Variants in CADM2 observed in about 807,000 individuals in gnomAD.
CADM2 encodes cell adhesion molecule 2, also known as immunoglobulin superfamily member 4D.
In CADM2, 12 loss-of-function variants were observed where a neutral mutation model predicts 49.8. That is an observed-to-expected ratio of 0.24 (90% CI 0.15 to 0.39). The LOEUF is 0.39. CADM2 is among the 10% of genes least tolerant of loss of function. The pLI is 1.00. For missense variants in CADM2, 378 were observed against 492.3 expected, an observed-to-expected ratio of 0.77 and a Z score of 2.20; for synonymous variants, 214 against 175.4, an observed-to-expected ratio of 1.22 and a Z score of -1.74.
chr3:85,151,930 A>G (rs2039934811), intron 1 of CADM2, among the ~76,000 whole-genome samples: 1 of 152,238 alleles, frequency 6.6e-6, no homozygotes. Flanking sequence ...AGTAGAGTAT[A>G]TTAAAGAGCT....
At chr3:85,490,482 G>A (rs1049191676) in intron 1 of CADM2, among the ~76,000 whole-genome samples, 1 of 152,050 alleles carries the variant, frequency 6.6e-6, no homozygotes, top group African/African-American at 2.4e-5. Flanking sequence ...AATTTGGGAG[G>A]CCAAGGTAGA....
rs564737615 is a variant in CADM2, at chr3:85,968,235, G to A, written c.970+6588G>A. Among the ~76,000 whole-genome samples the A allele has an allele frequency of 1.3e-4, 19 of 151,732 alleles. No homozygotes were observed. In the South Asian group the frequency reaches 4.0e-3, roughly 32 times the overall value. On this transcript the variant is annotated intron_variant, in intron 8 of 9. Transcript: ENST00000383699. ...ATGAATAAGCAGGGAGAGCTCTGAT[G>A]CCTGTAGGAAAGGTGTACCTCTGAC...
intron 3 of CADM2, among the ~76,000 whole-genome samples, chr3:85,812,050 T>A (rs1157061698): frequency 6.6e-6 from 1 of 152,080 alleles, no homozygotes; most frequent in Non-Finnish European, 1.5e-5. Context: ...CCCTGGGAAT[T>A]ATGCTGGGCA....
Position 85,038,305 on chromosome 3 carries a change from T to C in CADM2, c.61+78637T>C, listed in dbSNP as rs185445462. 3.3e-5 allele frequency among the ~76,000 whole-genome samples: 5 copies of C among 152,206 alleles called. No homozygotes were observed. The East Asian group carries it at 9.6e-4, about 29-fold the overall frequency. On this transcript the variant is annotated intron_variant, in intron 1 of 9. Coordinates refer to ENST00000383699, the MANE Select transcript of CADM2 (RefSeq NM_001167675.2). The stretch of plus-strand genomic sequence containing the variant: ...ACACTTATGCATACTACAGACTGTT[T>C]AGTGAAAATTAAATAAGAAAATATA...
intron 1 of CADM2, among the ~76,000 whole-genome samples, chr3:85,252,497 T>C (rs1467082611): frequency 6.6e-6 from 1 of 152,008 alleles, no homozygotes; most frequent in Non-Finnish European, 1.5e-5. Flanking sequence ...CATTCAAAAC[T>C]TACTGTATGA....
intron 8 of CADM2, among the ~76,000 whole-genome samples, chr3:85,963,686 A>C (rs981708119): frequency 5.9e-5 from 9 of 152,032 alleles, no homozygotes; most frequent in African/African-American, 1.9e-4. Flanking sequence ...CATTTTTTTA[A>C]AGTAGCTCAT....
chr3:85,968,828 G>C (rs1725770168), intron 8 of CADM2, among the ~76,000 whole-genome samples: 1 of 151,622 alleles, frequency 6.6e-6, no homozygotes, highest in African/African-American at 2.4e-5. Flanking sequence ...GGAAATGTTG[G>C]CATTAGTTTT....
intron 1 of CADM2, among the ~76,000 whole-genome samples, chr3:85,726,026 C>G (rs193016914): frequency 6.6e-6 from 1 of 152,020 alleles, no homozygotes; most frequent in East Asian, 1.9e-4. Context: ...GGAAGGGCAA[C>G]AAAACTTACT....
At chr3:85,410,109 G>C (rs914791053) in intron 1 of CADM2, among the ~76,000 whole-genome samples, 1 of 152,074 alleles carries the variant, frequency 6.6e-6, no homozygotes, top group Non-Finnish European at 1.5e-5. Context: ...TGCCAAGTTT[G>C]GTCCAGCGGT....
intron 1 of CADM2, among the ~76,000 whole-genome samples, chr3:85,032,215 G>GTTTT (rs71105002): frequency 1.4e-5 from 2 of 147,460 alleles, no homozygotes; most frequent in African/African-American, 5.0e-5. Context: ...CCAGTTACTG[G>GTTTT]TTTTTTTTTT....
chr3:85,817,603 G>GT (rs770070958), intron 3 of CADM2, among the ~76,000 whole-genome samples: 2 of 152,122 alleles, frequency 1.3e-5, no homozygotes, highest in Non-Finnish European at 2.9e-5. Flanking sequence ...ACATTAGTTA[G>GT]TTGTTCAAAA....
rs1482012816 is a variant in CADM2, at chr3:85,439,160, T to C, written c.62-287362T>C. 4.0e-5 allele frequency among the ~76,000 whole-genome samples: 6 copies of C among 151,632 alleles called. No homozygotes were observed. The South Asian group carries it at 8.3e-4, about 21-fold the overall frequency. ...TTAATAATGACTTATAATGACTTTTTTTTTTTTTTTTTAACGGAGTTTCAC... is the reference window on the plus strand; with the variant it reads ...TTAATAATGACTTATAATGACTTTTCTTTTTTTTTTTTAACGGAGTTTCAC... On this transcript the variant is annotated intron_variant, in intron 1 of 9. Coordinates refer to ENST00000383699, the MANE Select transcript of CADM2 (RefSeq NM_001167675.2).
At chr3:85,530,906 ACAC>A (rs1559890296) in intron 1 of CADM2, among the ~76,000 whole-genome samples, 13 of 136,020 alleles carry the variant, frequency 9.6e-5, no homozygotes, top group African/African-American at 4.4e-4. Context: ...ACACACACAC[ACAC>A]ACACAAAATT....
At chr3:85,583,643 G>A (rs1428461664) in intron 1 of CADM2, among the ~76,000 whole-genome samples, 1 of 151,820 alleles carries the variant, frequency 6.6e-6, no homozygotes, top group Non-Finnish European at 1.5e-5. Context: ...ATTAAATGTG[G>A]GAGCAAATGG....
intron 3 of CADM2, among the ~76,000 whole-genome samples, chr3:85,835,108 C>A (rs1419626544): frequency 6.6e-6 from 1 of 151,522 alleles, no homozygotes. Flanking sequence ...GGACATCCAA[C>A]TTGCAGTGAA....
rs1179967499 is a variant in CADM2 at position 85,034,790 on chromosome 3, C to CTTTTTTTTTTTT, written c.61+75135_61+75146dup. Among the ~76,000 whole-genome samples, 96 of 84,056 alleles carry CTTTTTTTTTTTT rather than the reference C, an allele frequency of 1.1e-3. 4 individuals are homozygous for CTTTTTTTTTTTT. The highest frequency in any genetic ancestry group is 4.3e-3 in the South Asian group (10 of 2,348). The allele number at this position is 84,056 out of a possible 152,430, so 55.1% of individuals were successfully genotyped here. The stretch of plus-strand genomic sequence containing the variant: ...TATCTTTTAGATAAAAGACATTTTG[C>CTTTTTTTTTTTT]TTTTTTTTTTTTTTTTTTTTTTTTA... On this transcript the variant is annotated intron_variant, in intron 1 of 9. Coordinates refer to ENST00000383699, the MANE Select transcript of CADM2 (RefSeq NM_001167675.2).
chr3:85,820,083 G>A (rs922580716), intron 3 of CADM2, among the ~76,000 whole-genome samples: 4 of 152,084 alleles, frequency 2.6e-5, no homozygotes, highest in African/African-American at 9.7e-5. Context: ...AAGCAGAGAA[G>A]CAGCCAGAAG....
chr3:85,761,326 A>T (rs1303353845), intron 2 of CADM2, among the ~76,000 whole-genome samples: 2 of 151,748 alleles, frequency 1.3e-5, no homozygotes, highest in East Asian at 1.9e-4. Flanking sequence ...AAGTAAAAGC[A>T]ATAATGGTAT....
intron 1 of CADM2, among the ~76,000 whole-genome samples, chr3:85,584,533 A>G (rs746659627): frequency 1.3e-5 from 2 of 152,086 alleles, no homozygotes; most frequent in Non-Finnish European, 2.9e-5. Flanking sequence ...AAATTTCCCA[A>G]GTTTCCTAAA....
Sources: allele counts gnomAD v4.1 joint callset (sites outside exome capture counted in the v4.1 genomes callset), GRCh38; gene constraint gnomAD v4.1.1; transcripts MANE v1.5; gene names NCBI Gene and HGNC (gene_info 2026-07-23, HGNC 2026-07-21).